The following TMEM116 variants were observed in gnomAD, a reference collection of about 807,000 sequenced individuals.
TMEM116 encodes the protein transmembrane protein 116.
In TMEM116, 38 loss-of-function variants were observed where a neutral mutation model predicts 44.3. The ratio of observed to expected loss-of-function variants is 0.86; its 90% CI spans 0.66 to 1.12. TMEM116 has a LOEUF of 1.12. Ranked by LOEUF, TMEM116 falls within the 50% of genes most tolerant of loss-of-function variation. The pLI, the probability that TMEM116 is intolerant of heterozygous loss-of-function variation, is 0.00. For missense variants in TMEM116, 354 were observed against 401.7 expected, an observed-to-expected ratio of 0.88 and a Z score of 1.01; for synonymous variants, 132 against 144.8, an observed-to-expected ratio of 0.91 and a Z score of 0.64.
intron 5 of TMEM116, among the ~76,000 whole-genome samples, chr12:111,938,691 G>A (rs2072397109): frequency 2.0e-5 from 3 of 152,158 alleles, no homozygotes. Flanking sequence ...AATAGGGCAG[G>A]GTCAAATATG....
At chr12:111,975,419 G>T (rs575035938) in intron 4 of TMEM116, among the ~76,000 whole-genome samples, 1 of 152,128 alleles carries the variant, frequency 6.6e-6, no homozygotes, top group East Asian at 1.9e-4. Flanking sequence ...GCCTCCCAAA[G>T]TACTGGGATT....
At chr12:111,998,839 G>GGGAAA (rs1051443720) in intron 3 of TMEM116, among the ~76,000 whole-genome samples, 10 of 152,122 alleles carry the variant, frequency 6.6e-5, no homozygotes, top group Admixed American at 2.6e-4. Context: ...GGGGGAAAGG[G>GGGAAA]GGAAAGGAAA....
At chr12:111,984,136 A>T (rs143149920) in intron 4 of TMEM116, among the ~76,000 whole-genome samples, 5 of 152,090 alleles carry the variant, frequency 3.3e-5, no homozygotes, top group African/African-American at 4.8e-5. Context: ...TTTCATGATT[A>T]AAAAAAAGCC....
chr12:111,998,837 G>A (rs995869632), intron 3 of TMEM116, among the ~76,000 whole-genome samples: 2 of 152,058 alleles, frequency 1.3e-5, no homozygotes, highest in East Asian at 1.9e-4. Flanking sequence ...AAGGGGGAAA[G>A]GGGGAAAGGA....
At chr12:111,994,049 G>A (rs1395445807) in intron 3 of TMEM116, among the ~76,000 whole-genome samples, 1 of 152,174 alleles carries the variant, frequency 6.6e-6, no homozygotes, top group Non-Finnish European at 1.5e-5. Flanking sequence ...AGCAGCTTGG[G>A]TTAACTCAGT....
chr12:111,937,828 A>G (rs2072284329), intron 6 of TMEM116, among the ~76,000 whole-genome samples: 1 of 152,346 alleles, frequency 6.6e-6, no homozygotes, highest in South Asian at 2.1e-4. Context: ...AATGTTATAA[A>G]GTAGATGATA....
At chr12:111,937,512 T>C (rs2072260307) in intron 6 of TMEM116, among the ~76,000 whole-genome samples, 1 of 152,206 alleles carries the variant, frequency 6.6e-6, no homozygotes, top group Non-Finnish European at 1.5e-5. Context: ...GGTAGCTGTA[T>C]GGTCAGATAA....
intron 4 of TMEM116, 140 bp from the exon 5 acceptor site, chr12:111,943,509 G>A (rs1422512636): frequency 1.2e-5 from 8 of 644,916 alleles, no homozygotes; most frequent in Non-Finnish European, 2.1e-5. Context: ...TCCATACCAG[G>A]CAAAACCATA....
At chr12:111,958,865 C>T (rs1188135218) in intron 4 of TMEM116, among the ~76,000 whole-genome samples, 11 of 152,128 alleles carry the variant, frequency 7.2e-5, no homozygotes, top group Non-Finnish European at 1.0e-4. Context: ...ACCAAATCTA[C>T]GTTTGATTGG....
intron 2 of TMEM116, 100 bp downstream of exon 2, chr12:112,005,157 A>G (rs1429903319): frequency 1.4e-6 from 1 of 734,090 alleles, no homozygotes; most frequent in African/African-American, 1.9e-5. Context: ...CTCTTTAACT[A>G]AAGAGTAAAA....
At chr12:111,990,022 A>C (rs1265851317) in intron 4 of TMEM116, among the ~76,000 whole-genome samples, 1 of 152,118 alleles carries the variant, frequency 6.6e-6, no homozygotes, top group South Asian at 2.1e-4. Context: ...TTGGGAGGCC[A>C]AGACGGGCAG....
chr12:111,972,479 T>C (rs2075401941), intron 4 of TMEM116, among the ~76,000 whole-genome samples: 2 of 152,200 alleles, frequency 1.3e-5, no homozygotes, highest in African/African-American at 4.8e-5. Context: ...TCAACCAACT[T>C]GACAGAATTG....
At chr12:111,950,063 C>G (rs542572548) in intron 4 of TMEM116, among the ~76,000 whole-genome samples, 2 of 152,130 alleles carry the variant, frequency 1.3e-5, no homozygotes, top group African/African-American at 4.8e-5. Flanking sequence ...TTCAGTGAGC[C>G]AAGATCGCAC....
chr12:111,981,154 G>C (rs1470191515), intron 4 of TMEM116, among the ~76,000 whole-genome samples: 1 of 151,730 alleles, frequency 6.6e-6, no homozygotes, highest in African/African-American at 2.4e-5. Context: ...TAAACAAATA[G>C]AGTAACATCA....
At chr12:111,932,761 CATA>C in intron 9 of TMEM116, 102 bp from the exon 10 acceptor site, 1 of 908,562 alleles carries the variant, frequency 1.1e-6, no homozygotes. Flanking sequence ...AAACAATAGG[CATA>C]ATAAAATCCA....
At chr12:111,980,800 G>A (rs1425464583) in intron 4 of TMEM116, among the ~76,000 whole-genome samples, 3 of 152,118 alleles carry the variant, frequency 2.0e-5, no homozygotes, top group Non-Finnish European at 2.9e-5. Flanking sequence ...TCAGCCTGGC[G>A]CAGTGGCTCA....
At chr12:111,965,754 T>C in intron 4 of TMEM116, 1 of 384,554 alleles carries the variant, frequency 2.6e-6, no homozygotes, top group Non-Finnish European at 5.1e-6. Flanking sequence ...CGAAACCCCG[T>C]CTCCCCTAAA....
intron 4 of TMEM116, among the ~76,000 whole-genome samples, chr12:111,957,272 C>T (rs192637929): frequency 1.3e-4 from 19 of 151,602 alleles, no homozygotes; most frequent in Non-Finnish European, 2.4e-4. Context: ...TGCCTCTGCC[C>T]GGCCATGATC....
chr12:111,993,288 AAGGGC>A (rs2076727408), intron 3 of TMEM116: 1 of 464,612 alleles, frequency 2.2e-6, no homozygotes, highest in Admixed American at 2.4e-5. Flanking sequence ...CCAAAAGTAG[AAGGGC>A]ATATTTAATG....
Sources: allele counts gnomAD v4.1 joint callset (sites outside exome capture counted in the v4.1 genomes callset), GRCh38; gene constraint gnomAD v4.1.1; transcripts MANE v1.5; gene names NCBI Gene and HGNC (gene_info 2026-07-23, HGNC 2026-07-21).